The following LIPN variants were observed in gnomAD, a reference collection of about 807,000 sequenced individuals.
LIPN encodes the protein lipase member N.
A neutral mutation model predicts 43.7 loss-of-function variants in LIPN; 32 were observed. The observed-to-expected ratio is 0.73, with a 90% confidence interval of 0.55 to 0.98. The LOEUF is 0.98. LIPN is among the 50% of genes least tolerant of loss of function. LIPN has a pLI of 0.00. For synonymous variants in LIPN, 156 were observed against 157.6 expected (o/e 0.99, Z 0.08); for missense variants, 505 against 483.8 (o/e 1.04, Z -0.41).
rs192287545 is a variant in LIPN at position 88,761,839 on chromosome 10, A to G, written c.108+326A>G. ...CCTCTTTTGAATTTATGTTTTAAGA[A>G]TATCAAGCTATTTGTTGATGTACAT... is the stretch of plus-strand genomic sequence containing the variant. On this transcript the variant is annotated intron_variant, in intron 2 of 9. Transcript: ENST00000404459. Among the ~76,000 whole-genome samples, 11 of 151,976 alleles carry G rather than the reference A, an allele frequency of 7.2e-5. No homozygotes were observed. In the East Asian group the frequency reaches 2.1e-3, roughly 30 times the overall value.
chr10:88,768,702 G>T, intron 5 of LIPN, 90 bp from the exon 6 acceptor site: 1 of 1,073,666 alleles, frequency 9.3e-7, no homozygotes. Context: ...ACGATAGAAG[G>T]AAAAAATGAC....
At chr10:88,764,955 C>T (rs1425421154) in intron 4 of LIPN, among the ~76,000 whole-genome samples, 1 of 149,854 alleles carries the variant, frequency 6.7e-6, no homozygotes, top group Non-Finnish European at 1.5e-5. Flanking sequence ...AGGCCCCGAA[C>T]ATTCAAACAG....
At chr10:88,775,284 TA>T (rs992493566) in intron 9 of LIPN, 121 bp downstream of exon 9, 4 of 472,172 alleles carry the variant, frequency 8.5e-6, no homozygotes, top group African/African-American at 4.1e-5. Context: ...AACTTTTTTT[TA>T]AAAAAATTTT....
chr10:88,762,838 G>A (rs913631170), intron 3 of LIPN, among the ~76,000 whole-genome samples: 2 of 152,036 alleles, frequency 1.3e-5, no homozygotes, highest in African/African-American at 2.4e-5. Context: ...AGGGACAGAC[G>A]GTTCATAGAA....
intron 7 of LIPN, among the ~76,000 whole-genome samples, chr10:88,773,124 C>T (rs1590181849): frequency 1.3e-5 from 2 of 150,126 alleles, no homozygotes; most frequent in East Asian, 3.9e-4. Context: ...ATACCAATGA[C>T]ATTCTTCATT....
intron 2 of LIPN, 54 bp from the exon 3 acceptor site, chr10:88,762,134 C>A: frequency 1.1e-6 from 1 of 905,124 alleles, no homozygotes; most frequent in Non-Finnish European, 1.8e-6. Context: ...TGTTTTGATT[C>A]CTTTTTATAT....
intron 5 of LIPN, among the ~76,000 whole-genome samples, chr10:88,767,359 T>A (rs1370929653): frequency 6.6e-6 from 1 of 151,690 alleles, no homozygotes; most frequent in East Asian, 1.9e-4. Context: ...AATAGGCAAA[T>A]AATTACAGTA....
intron 5 of LIPN, among the ~76,000 whole-genome samples, chr10:88,768,295 C>T (rs111671506): frequency 7.2e-5 from 11 of 151,932 alleles, no homozygotes; most frequent in African/African-American, 2.4e-4. Flanking sequence ...TTGAAAAACA[C>T]CCAGTAAGAC....
intron 9 of LIPN, among the ~76,000 whole-genome samples, chr10:88,775,818 T>C (rs1843288070): frequency 6.6e-6 from 1 of 152,038 alleles, no homozygotes; most frequent in South Asian, 2.1e-4. Flanking sequence ...TTAAATTGTT[T>C]TAAGTATTTT....
In LIPN at chr10:88,760,097, A is replaced by G. The variant is rs571959366; in HGVS notation, c.-18A>G. Among the ~76,000 whole-genome samples, 4 of 152,256 alleles carry G rather than the reference A, an allele frequency of 2.6e-5. No individual in the cohort carries two copies. The South Asian group carries it at 8.3e-4, about 32-fold the overall frequency. ...GAGTCCTTGTGAGCAGGTGAAGCTC[A>G]TCTAACTAGGTAAGATGAAGATCTA... On this transcript the variant is annotated 5_prime_UTR_variant, in exon 1 of 10. Transcript: ENST00000404459.
Position 88,779,391 on chromosome 10 carries a change from A to C in LIPN, c.*1149A>C, listed in dbSNP as rs1286562712. On this transcript the variant is annotated 3_prime_UTR_variant, in exon 10 of 10. Coordinates refer to ENST00000404459, the MANE Select transcript of LIPN (RefSeq NM_001102469.2). ...CATTCTTCTCTCAAAACTAGCATTCATCAATTTAATGTATACGTATTGATG... is the reference window on the plus strand; with the variant it reads ...CATTCTTCTCTCAAAACTAGCATTCCTCAATTTAATGTATACGTATTGATG... Among the ~76,000 whole-genome samples the C allele has an allele frequency of 6.6e-6, 1 of 152,216 alleles. No individual in the cohort carries two copies.
chr10:88,758,427 C>T (rs1445042904), upstream of LIPN, among the ~76,000 whole-genome samples: 2 of 148,988 alleles, frequency 1.3e-5, no homozygotes, highest in Non-Finnish European at 3.0e-5. Flanking sequence ...TTGTATCCCA[C>T]AGGGCCAAGG....
intron 3 of LIPN, among the ~76,000 whole-genome samples, chr10:88,762,764 A>G (rs1037089270): frequency 1.3e-5 from 2 of 152,084 alleles, no homozygotes; most frequent in African/African-American, 4.8e-5. Flanking sequence ...TAGTTAAATG[A>G]CAACGCATTT....
chr10:88,778,034 C>T lies in LIPN; in HGVS notation c.989C>T (p.Thr330Ile), dbSNP rs763514172. The T allele has an allele frequency of 2.5e-6, 4 of 1,613,258 alleles. No individual in the cohort carries two copies. The East Asian group carries it at 6.7e-5, about 27-fold the overall frequency. The part of the protein sequence containing the change: ...NQSHPPIYDL[T>I]AMKVPTAIWA... ...AGTCATCCCCCTATATATGACCTGACTGCCATGAAAGTGCCTACTGCTATT... is the reference window on the plus strand; with the variant it reads ...AGTCATCCCCCTATATATGACCTGATTGCCATGAAAGTGCCTACTGCTATT... Residue 330 changes from threonine to isoleucine, a missense_variant, in exon 10 of 10, where the codon ACT (threonine) becomes ATT (isoleucine). Coordinates refer to ENST00000404459, the MANE Select transcript of LIPN (RefSeq NM_001102469.2).
upstream of LIPN, among the ~76,000 whole-genome samples, chr10:88,757,300 G>A (rs1449270632): frequency 6.6e-6 from 1 of 152,096 alleles, no homozygotes; most frequent in East Asian, 1.9e-4. Flanking sequence ...TCAATGGTAT[G>A]GCCCTTCCTC....
chr10:88,761,513 T>A lies in LIPN; in HGVS notation c.108T>A (p.Thr36=), dbSNP rs761617331. 1 of 1,595,994 alleles carries A rather than the reference T, an allele frequency of 6.3e-7. No homozygotes were observed. Among genetic ancestry groups the A allele is most frequent in the East Asian group, 2.2e-5 (1 of 44,630 alleles). The change falls in exon 2 of 10, where the codon ACT becomes ACA. Residue 36 remains threonine (T), a splice_region_variant and synonymous_variant. Coordinates refer to ENST00000404459, the MANE Select transcript of LIPN (RefSeq NM_001102469.2). ...TGAATCCTGAGGTGTGGATGAATAC[T>A]GTAAGTCATGGAAAACTGTGAAGAA... The part of the protein sequence containing the change: ...NEVNPEVWMN[T]SEIIIYNGYP...
chr10:88,778,185 C>T lies in LIPN; in HGVS notation c.1140C>T (p.Leu380=), dbSNP rs11202851. ...ACCACTTTGATTTTGTCTGGGGCCT[C>T]GATGCCCCTCAACGGATGTACAGTG... ...DWNHFDFVWG[L]DAPQRMYSEI... is the part of the protein sequence containing the mutation. The change falls in exon 10 of 10, where the codon CTC becomes CTT. Residue 380 remains leucine (L), a synonymous_variant. Transcript: ENST00000404459. The T allele has an allele frequency of 0.067, 107,390 of 1,612,746 alleles. 6,375 individuals are homozygous for T. Among genetic ancestry groups the T allele is most frequent in the East Asian group, 0.29 (12,840 of 44,738 alleles).
At chr10:88,766,773 C>T (rs915957641) in intron 5 of LIPN, among the ~76,000 whole-genome samples, 25 of 151,952 alleles carry the variant, frequency 1.6e-4, no homozygotes, top group African/African-American at 5.5e-4. Flanking sequence ...TCTCACAACC[C>T]AAATGGGATT....
intron 5 of LIPN, among the ~76,000 whole-genome samples, chr10:88,767,711 T>C (rs1464570917): frequency 1.4e-5 from 2 of 144,674 alleles, no homozygotes; most frequent in African/African-American, 5.2e-5. Context: ...AATTTGATTA[T>C]CTGTGCTCTG....
Sources: allele counts gnomAD v4.1 joint callset (sites outside exome capture counted in the v4.1 genomes callset), GRCh38; gene constraint gnomAD v4.1.1; transcripts MANE v1.5; gene names NCBI Gene and HGNC (gene_info 2026-07-23, HGNC 2026-07-21).